Variants in KCNJ6 observed in about 807,000 individuals in gnomAD.
KCNJ6 encodes the protein potassium inwardly rectifying channel subfamily J member 6.
Under a neutral mutation model 34.2 loss-of-function variants are expected in KCNJ6, and 9 were observed. The observed-to-expected ratio is 0.26, with a 90% CI of 0.16 to 0.46. KCNJ6 has a LOEUF of 0.46. Ranked by LOEUF, KCNJ6 falls within the 20% of genes least tolerant of loss-of-function variation. The pLI is 1.00. For synonymous variants in KCNJ6, 196 were observed against 207.1 expected, an observed-to-expected ratio of 0.95 and a Z score of 0.46; for missense variants, 236 against 531.3, an observed-to-expected ratio of 0.44 and a Z score of 5.46.
intron 1 of KCNJ6, among the ~76,000 whole-genome samples, chr21:37,858,474 G>A (rs2055576860): frequency 6.6e-6 from 1 of 151,488 alleles, no homozygotes; most frequent in South Asian, 2.1e-4. Context: ...GGTCCTGGAG[G>A]GGAAAAGGGG....
chr21:37,891,597 A>G (rs1456867541), intron 1 of KCNJ6, among the ~76,000 whole-genome samples: 1 of 152,144 alleles, frequency 6.6e-6, no homozygotes, highest in Non-Finnish European at 1.5e-5. Context: ...TTATGAATTG[A>G]GTACTTGTAG....
intron 1 of KCNJ6, among the ~76,000 whole-genome samples, chr21:37,886,101 C>T (rs2836036): frequency 0.099 from 15,083 of 152,186 alleles, 950 homozygotes; most frequent in East Asian, 0.26. Context: ...AATGAGGATC[C>T]TCCACTTCTC....
intron 3 of KCNJ6, among the ~76,000 whole-genome samples, chr21:37,685,086 T>G (rs563722614): frequency 6.6e-6 from 1 of 151,714 alleles, no homozygotes; most frequent in Non-Finnish European, 1.5e-5. Context: ...ACAAATCAAC[T>G]AGAAAAAAGA....
chr21:37,865,662 C>T (rs573802828), intron 1 of KCNJ6, among the ~76,000 whole-genome samples: 11 of 152,354 alleles, frequency 7.2e-5, no homozygotes, highest in East Asian at 5.8e-4. Flanking sequence ...TGAGGCACTA[C>T]GTGCTCTTGC....
intron 1 of KCNJ6, among the ~76,000 whole-genome samples, chr21:37,894,280 C>T (rs971881263): frequency 5.3e-5 from 8 of 152,290 alleles, no homozygotes; most frequent in African/African-American, 1.9e-4. Context: ...GCCCCACCCC[C>T]GATCTACTGA....
At chr21:37,780,847 T>C (rs1230637015) in intron 2 of KCNJ6, among the ~76,000 whole-genome samples, 1 of 152,206 alleles carries the variant, frequency 6.6e-6, no homozygotes, top group Non-Finnish European at 1.5e-5. Flanking sequence ...CCTATACATA[T>C]ATATAGCTAC....
intron 3 of KCNJ6, among the ~76,000 whole-genome samples, chr21:37,664,414 G>T (rs2054504432): frequency 6.6e-6 from 1 of 152,040 alleles, no homozygotes; most frequent in South Asian, 2.1e-4. Context: ...TTCTTTGGAG[G>T]TAAGTGAAAT....
intron 1 of KCNJ6, among the ~76,000 whole-genome samples, chr21:37,884,797 C>T (rs2055727066): frequency 6.6e-6 from 1 of 152,168 alleles, no homozygotes; most frequent in Non-Finnish European, 1.5e-5. Flanking sequence ...TGCAGGAACC[C>T]ACTGCTTAAA....
intron 3 of KCNJ6, among the ~76,000 whole-genome samples, chr21:37,667,186 T>TAAAAAAAAAAAAAAAA (rs1569441641): frequency 2.1e-4 from 18 of 86,856 alleles, no homozygotes; most frequent in South Asian, 3.8e-4. Context: ...AAAAAAAAAT[T>TAAAAAAAAAAAAAAAA]AAATGAGGCA....
At chr21:37,857,462 A>G (rs2055570959) in intron 1 of KCNJ6, among the ~76,000 whole-genome samples, 3 of 152,258 alleles carry the variant, frequency 2.0e-5, no homozygotes, top group East Asian at 3.8e-4. Context: ...GCAGAGAGAC[A>G]GAAGAAAATG....
At chr21:37,630,162 T>TGTGTGTGTGTGTGTGTGG (rs748374656) in intron 3 of KCNJ6, among the ~76,000 whole-genome samples, 1 of 64,456 alleles carries the variant, frequency 1.6e-5, no homozygotes, top group East Asian at 5.9e-4. Context: ...GTGTGTGGTG[T>TGTGTGTGTGTGTGTGTGG]TTATGTTCCA....
chr21:37,723,156 C>CA (rs1010787330), intron 2 of KCNJ6, among the ~76,000 whole-genome samples: 2 of 152,072 alleles, frequency 1.3e-5, no homozygotes, highest in African/African-American at 4.8e-5. Flanking sequence ...TACAAGTGGT[C>CA]AACAAACATA....
At chr21:37,832,491 G>A (rs1162337040) in intron 2 of KCNJ6, among the ~76,000 whole-genome samples, 6 of 152,108 alleles carry the variant, frequency 3.9e-5, no homozygotes, top group East Asian at 3.9e-4. Context: ...TGGGACCTCC[G>A]GATGAATGGG....
intron 1 of KCNJ6, among the ~76,000 whole-genome samples, chr21:37,885,330 G>A (rs950900753): frequency 6.6e-6 from 1 of 152,152 alleles, no homozygotes; most frequent in African/African-American, 2.4e-5. Flanking sequence ...ACAGGTGCTT[G>A]TGTCTTATGG....
chr21:37,621,834 T>C lies in KCNJ6; in HGVS notation c.*3325A>G, dbSNP rs1249057857. ...GAACAACCAGGCTGGAAGGCCATGT[T>C]TGAAGGAACAGAAAAGTTGACATTT... On this transcript the variant is annotated 3_prime_UTR_variant, in exon 4 of 4. Transcript: ENST00000609713. The C allele has an allele frequency of 6.6e-6, 1 of 152,204 alleles. No individual in the cohort carries two copies. The highest frequency in any genetic ancestry group is 6.5e-5 in the Admixed American group (1 of 15,284). The allele number at this position is 152,204 out of a possible 1,614,324, so 9.4% of individuals were successfully genotyped here.
intron 1 of KCNJ6, among the ~76,000 whole-genome samples, chr21:37,864,871 C>T (rs1004576169): frequency 1.5e-4 from 21 of 142,800 alleles, no homozygotes; most frequent in African/African-American, 4.8e-4. Flanking sequence ...GTCTCTCTCT[C>T]TTTTTTTTTT....
At chr21:37,837,713 G>GTT (rs5843868) in intron 2 of KCNJ6, among the ~76,000 whole-genome samples, 1 of 145,942 alleles carries the variant, frequency 6.9e-6, no homozygotes. Flanking sequence ...GGTTCTGTCT[G>GTT]TTTTTTTTTT....
intron 3 of KCNJ6, among the ~76,000 whole-genome samples, chr21:37,680,881 C>T (rs963193680): frequency 9.2e-5 from 14 of 152,232 alleles, no homozygotes; most frequent in African/African-American, 2.9e-4. Context: ...TTATATTTCT[C>T]TGGAGAACCC....
chr21:37,657,281 G>A (rs894198041), intron 3 of KCNJ6, among the ~76,000 whole-genome samples: 4 of 152,164 alleles, frequency 2.6e-5, no homozygotes, highest in Non-Finnish European at 5.9e-5. Context: ...AGCTGGTTGG[G>A]GTGAACCTAC....
Sources: gnomAD v4.1 joint callset for allele counts (sites outside exome capture counted in the v4.1 genomes callset) on GRCh38, gnomAD v4.1.1 for gene constraint, MANE v1.5 for transcripts, NCBI Gene and HGNC (gene_info 2026-07-23, HGNC 2026-07-21) for gene names.